The following MAN1A1 variants were observed in gnomAD, a reference collection of about 807,000 sequenced individuals.
The protein encoded by MAN1A1 is mannosyl-oligosaccharide 1,2-alpha-mannosidase IA.
Under a neutral mutation model 70.8 loss-of-function variants are expected in MAN1A1, and 29 were observed. The observed-to-expected ratio is 0.41, with a 90% CI of 0.31 to 0.56. The LOEUF is 0.56. Among genes scored for constraint, MAN1A1 ranks in the 20% least tolerant of loss-of-function variants. The pLI is 0.29. For missense variants in MAN1A1, 747 were observed against 841.3 expected (o/e 0.89, Z 1.39); for synonymous variants, 349 against 330.1 (o/e 1.06, Z -0.62).
At chr6:119,341,247 C>A (rs1013983208) in intron 2 of MAN1A1, among the ~76,000 whole-genome samples, 1 of 152,102 alleles carries the variant, frequency 6.6e-6, no homozygotes, top group African/African-American at 2.4e-5. Flanking sequence ...AAGGAATTAG[C>A]CAGTATTGCT....
At chr6:119,282,537 T>C (rs952239599) in intron 5 of MAN1A1, among the ~76,000 whole-genome samples, 3 of 152,224 alleles carry the variant, frequency 2.0e-5, no homozygotes, top group Non-Finnish European at 4.4e-5. Context: ...TCATTAACCA[T>C]GGAAATTTAA....
intron 2 of MAN1A1, among the ~76,000 whole-genome samples, chr6:119,309,701 T>C (rs1772648723): frequency 1.3e-5 from 2 of 152,200 alleles, no homozygotes. Flanking sequence ...TGAATACGTA[T>C]ATTTGCTCCT....
chr6:119,181,486 T>G (rs1437131636), intron 11 of MAN1A1, among the ~76,000 whole-genome samples: 6 of 150,156 alleles, frequency 4.0e-5, no homozygotes, highest in Non-Finnish European at 8.8e-5. Flanking sequence ...TGGAAGAAGA[T>G]GGGATGACTC....
chr6:119,181,988 T>C (rs1773165062), intron 11 of MAN1A1, among the ~76,000 whole-genome samples: 1 of 152,202 alleles, frequency 6.6e-6, no homozygotes, highest in South Asian at 2.1e-4. Flanking sequence ...TCAATTTTCA[T>C]TGCCACCAAC....
At chr6:119,290,608 C>G in intron 5 of MAN1A1, 75 bp downstream of exon 5, 1 of 965,198 alleles carries the variant, frequency 1.0e-6, no homozygotes, top group East Asian at 2.5e-5. Flanking sequence ...ATATATGTCA[C>G]GAATGGCATA....
intron 4 of MAN1A1, among the ~76,000 whole-genome samples, chr6:119,298,721 C>T (rs574106231): frequency 3.9e-5 from 6 of 152,038 alleles, no homozygotes; most frequent in Admixed American, 3.9e-4. Context: ...CTCAGCCCCC[C>T]AAGTAGCTGG....
At chr6:119,221,557 C>T (rs1774361065) in intron 6 of MAN1A1, among the ~76,000 whole-genome samples, 1 of 149,870 alleles carries the variant, frequency 6.7e-6, no homozygotes, top group African/African-American at 2.5e-5. Context: ...ACTGCAACCT[C>T]TGCCTCCTGG....
chr6:119,324,539 T>C (rs1773099243), intron 2 of MAN1A1, among the ~76,000 whole-genome samples: 2 of 152,160 alleles, frequency 1.3e-5, no homozygotes, highest in Non-Finnish European at 2.9e-5. Context: ...ACTGGAAAAT[T>C]AGAAAATGAG....
chr6:119,189,752 A>G lies in MAN1A1; in HGVS notation c.1458T>C (p.Ala486=). Residue 486 remains alanine (A), a synonymous_variant, in exon 10 of 13, where the codon GCT becomes GCC. Coordinates refer to ENST00000368468, the MANE Select transcript of MAN1A1 (RefSeq NM_005907.4). ...CFAGGMFALG[A]DAAPEGMAQH... The stretch of plus-strand genomic sequence containing the variant: ...GGGCCATGCCTTCGGGAGCTGCATC[A>G]GCCCCGAGTGCGAACATGCCCCCCG... 1 of 1,614,128 alleles carries G rather than the reference A, an allele frequency of 6.2e-7. No homozygotes were observed. The highest frequency in any genetic ancestry group is 1.1e-5 in the South Asian group (1 of 91,078).
chr6:119,266,376 C>G (rs1775754424), intron 5 of MAN1A1, among the ~76,000 whole-genome samples: 1 of 152,026 alleles, frequency 6.6e-6, no homozygotes, highest in African/African-American at 2.4e-5. Flanking sequence ...ATTTGTGGTA[C>G]TGGTGAAAGA....
Position 119,348,514 on chromosome 6 carries a change from G to C in MAN1A1, c.552C>G (p.Ser184Arg), listed in dbSNP as rs746447401. ...GGATGGCGGCGTCGGCGGGCTCCCG[G>C]CTCTCCACCCCGATTGGGGGCACGA... ...VDFVPPIGVE[S>R]REPADAAIRE... The change falls in exon 2 of 13, where the codon AGC (serine) becomes AGG (arginine). Residue 184 changes from serine to arginine, a missense_variant. This residue lies in a region of MAN1A1 where 328 missense variants were observed against 293.1 expected (regional missense o/e 1.12). Transcript: ENST00000368468. 1.2e-6 allele frequency: 2 copies of C among 1,611,440 alleles called. No individual in the cohort carries two copies. Among genetic ancestry groups the C allele is most frequent in the South Asian group, 2.2e-5 (2 of 90,740 alleles).
chr6:119,277,845 G>A (rs760613127), intron 5 of MAN1A1, among the ~76,000 whole-genome samples: 39 of 145,758 alleles, frequency 2.7e-4, no homozygotes, highest in East Asian at 8.7e-4. Flanking sequence ...GCTGAGGCGG[G>A]AGAATGGCAT....
At chr6:119,268,979 C>T (rs1407894244) in intron 5 of MAN1A1, among the ~76,000 whole-genome samples, 1 of 152,108 alleles carries the variant, frequency 6.6e-6, no homozygotes, top group East Asian at 1.9e-4. Context: ...TATAGAAAGG[C>T]AGTTGAATAA....
chr6:119,327,680 C>T (rs1320606220), intron 2 of MAN1A1, among the ~76,000 whole-genome samples: 1 of 151,986 alleles, frequency 6.6e-6, no homozygotes, highest in Non-Finnish European at 1.5e-5. Flanking sequence ...TTGAAAACTG[C>T]TAAGAAAGTA....
intron 9 of MAN1A1, among the ~76,000 whole-genome samples, chr6:119,193,239 A>C (rs184195667): frequency 6.6e-6 from 1 of 152,268 alleles, no homozygotes; most frequent in East Asian, 1.9e-4. Flanking sequence ...CATGGTAGGC[A>C]ATTCAACACT....
chr6:119,304,172 A>C (rs1250644840), intron 3 of MAN1A1, among the ~76,000 whole-genome samples: 2 of 152,232 alleles, frequency 1.3e-5, no homozygotes, highest in African/African-American at 4.8e-5. Flanking sequence ...TAGAATATTA[A>C]AACACTTGAT....
At chr6:119,299,672 C>T (rs550974652) in intron 4 of MAN1A1, among the ~76,000 whole-genome samples, 1 of 152,156 alleles carries the variant, frequency 6.6e-6, no homozygotes, top group Non-Finnish European at 1.5e-5. Context: ...TTTCACCTTA[C>T]AAGTAAGGAA....
At chr6:119,252,000 G>A (rs920469144) in intron 5 of MAN1A1, among the ~76,000 whole-genome samples, 9 of 152,070 alleles carry the variant, frequency 5.9e-5, no homozygotes, top group African/African-American at 2.4e-5. Flanking sequence ...CCCACACAAA[G>A]TTGGCCATCC....
chr6:119,284,233 T>C (rs1776298970), intron 5 of MAN1A1, among the ~76,000 whole-genome samples: 1 of 152,182 alleles, frequency 6.6e-6, no homozygotes, highest in South Asian at 2.1e-4. Context: ...CAAATAGTGA[T>C]TGTGATCTGG....
Sources: allele counts gnomAD v4.1 joint callset (sites outside exome capture counted in the v4.1 genomes callset), GRCh38; gene constraint gnomAD v4.1.1; regional missense constraint gnomAD v4.1.1; transcripts MANE v1.5; gene names NCBI Gene and HGNC (gene_info 2026-07-23, HGNC 2026-07-21).